Variants in DRC9 observed in about 807,000 individuals in gnomAD.
DRC9 encodes the protein dynein regulatory complex protein 9.
chr3:197,921,952 C>G, the DRC9 span, among the ~76,000 whole-genome samples: 2 of 142,268 alleles, frequency 1.4e-5, no homozygotes, highest in Non-Finnish European at 3.0e-5. Context: ...CTGGTTTCAT[C>G]TTGGTTGACC....
At chr3:197,933,011 A>G in the DRC9 span, among the ~76,000 whole-genome samples, 1 of 141,614 alleles carries the variant, frequency 7.1e-6, no homozygotes, top group East Asian at 2.0e-4. Flanking sequence ...TATGTATAAT[A>G]TATATTAATA....
chr3:197,890,440 A>T, the DRC9 span, among the ~76,000 whole-genome samples: 1 of 151,980 alleles, frequency 6.6e-6, no homozygotes, highest in Non-Finnish European at 1.5e-5. Flanking sequence ...ATAAGTCTAG[A>T]TGACTTTCAT....
the DRC9 span, among the ~76,000 whole-genome samples, chr3:197,900,146 G>A: frequency 2.0e-5 from 3 of 152,304 alleles, no homozygotes; most frequent in South Asian, 4.1e-4. This position sits in a 1 kb window ranked among gnomAD's most constrained non-coding sequence, Gnocchi z 4.7. Flanking sequence ...TCAGCATCTC[G>A]GGCTACGCCG....
the DRC9 span, among the ~76,000 whole-genome samples, chr3:197,899,748 C>G: frequency 6.6e-6 from 1 of 152,204 alleles, no homozygotes; most frequent in African/African-American, 2.4e-5. Context: ...TAGTTCCCCC[C>G]ACCACCCAGA....
the DRC9 span, among the ~76,000 whole-genome samples, chr3:197,893,136 T>C: frequency 1.3e-5 from 2 of 151,916 alleles, no homozygotes; most frequent in Admixed American, 1.3e-4. Flanking sequence ...AGTGGGCGGA[T>C]CACCTGTGGT....
chr3:197,951,651 C>T, the DRC9 span: 1 of 294,326 alleles, frequency 3.4e-6, no homozygotes, highest in Non-Finnish European at 6.6e-6. Flanking sequence ...CCGCGCCTGG[C>T]CTCATTATCC....
chr3:197,908,257 T>C, the DRC9 span, among the ~76,000 whole-genome samples: 1 of 134,596 alleles, frequency 7.4e-6, no homozygotes, highest in Non-Finnish European at 1.6e-5. Flanking sequence ...AGTGACCCCT[T>C]TCCCAGGCAT....
the DRC9 span, chr3:197,926,041 A>T: frequency 3.8e-6 from 6 of 1,583,950 alleles, no homozygotes; most frequent in African/African-American, 1.3e-5. Flanking sequence ...TCAAATTGCC[A>T]TTCCTTTTTG....
At chr3:197,894,665 G>A in the DRC9 span, 1 of 152,224 alleles carries the variant, frequency 6.6e-6, no homozygotes, top group Non-Finnish European at 1.5e-5. Flanking sequence ...GAACAGAAAT[G>A]TGTAACTTTC....
chr3:197,931,725 G>A, the DRC9 span, among the ~76,000 whole-genome samples: 1 of 151,942 alleles, frequency 6.6e-6, no homozygotes, highest in South Asian at 2.1e-4. Context: ...CCCGGGTTCA[G>A]GCCATTCTCC....
the DRC9 span, chr3:197,949,991 T>C: frequency 5.0e-6 from 3 of 600,608 alleles, no homozygotes; most frequent in Non-Finnish European, 7.3e-6. Flanking sequence ...CCTTCCCTTG[T>C]TCCCAAGTAG....
At chr3:197,919,749 C>T in the DRC9 span, among the ~76,000 whole-genome samples, 37,596 of 151,936 alleles carry the variant, frequency 0.25, 5,838 homozygotes, top group African/African-American at 0.45. Flanking sequence ...AAGTACAGAA[C>T]GGAGTACTGG....
the DRC9 span, among the ~76,000 whole-genome samples, chr3:197,925,159 G>C: frequency 6.6e-6 from 1 of 151,592 alleles, no homozygotes; most frequent in Non-Finnish European, 1.5e-5. Flanking sequence ...AAGGCCCCCT[G>C]TGGGGGAGGG....
chr3:197,938,470 C>T, the DRC9 span: 1 of 971,906 alleles, frequency 1.0e-6, no homozygotes, highest in Non-Finnish European at 1.7e-6. Flanking sequence ...TAGACGATAG[C>T]AGTCAGCCAC....
chr3:197,889,936 TAAAG>T, the DRC9 span, among the ~76,000 whole-genome samples: 3 of 152,114 alleles, frequency 2.0e-5, no homozygotes, highest in Non-Finnish European at 2.9e-5. Flanking sequence ...CAAGTAAAAA[TAAAG>T]AAAAGGAATC....
the DRC9 span, among the ~76,000 whole-genome samples, chr3:197,905,388 AAAAAG>A: frequency 2.6e-5 from 4 of 152,170 alleles, no homozygotes; most frequent in Admixed American, 1.3e-4. Flanking sequence ...TAAAAATTAG[AAAAAG>A]AAAAGAGTTT....
the DRC9 span, chr3:197,913,382 C>A: frequency 4.2e-6 from 1 of 237,002 alleles, no homozygotes; most frequent in Non-Finnish European, 8.0e-6. Context: ...TTTAGCATTC[C>A]CCTCAAAGAA....
the DRC9 span, chr3:197,951,495 G>A: frequency 1.6e-6 from 1 of 636,350 alleles, no homozygotes. Flanking sequence ...TGGGATTACA[G>A]GCGCCGGCCA....
At chr3:197,892,078 T>C in the DRC9 span, among the ~76,000 whole-genome samples, 1 of 152,196 alleles carries the variant, frequency 6.6e-6, no homozygotes, top group Non-Finnish European at 1.5e-5. Context: ...TTAGTAGAGA[T>C]AGGGTTTTGC....
Sources: allele counts gnomAD v4.1 joint callset (sites outside exome capture counted in the v4.1 genomes callset), GRCh38; gene constraint gnomAD v4.1.1; non-coding constraint Gnocchi (gnomAD v3.1); transcripts MANE v1.5; gene names NCBI Gene and HGNC (gene_info 2026-07-23, HGNC 2026-07-21).